Variants in IPO5 observed in about 807,000 individuals in gnomAD.
IPO5 encodes importin-5.
IPO5 carries 18 observed loss-of-function variants against 143.3 expected under a neutral mutation model. That is an observed-to-expected ratio of 0.13 (90% CI 0.09 to 0.19). The LOEUF is 0.19. Ranked by LOEUF, IPO5 falls within the 10% of genes least tolerant of loss-of-function variation. The pLI, the probability that IPO5 is intolerant of heterozygous loss-of-function variation, is 1.00. For synonymous variants in IPO5, 477 were observed against 465.7 expected, an observed-to-expected ratio of 1.02 and a Z score of -0.31; for missense variants, 1,013 against 1,336.9, an observed-to-expected ratio of 0.76 and a Z score of 3.78.
At chr13:98,000,504 A>G (rs751144468) in intron 12 of IPO5, 35 bp from the exon 13 acceptor site, 1 of 1,298,990 alleles carries the variant, frequency 7.7e-7, no homozygotes, top group Non-Finnish European at 1.1e-6. Flanking sequence ...TGTGTTTCAG[A>G]TATATTGAGT....
At position 98,021,003 on chromosome 13, in the gene IPO5, T is replaced by G; in HGVS notation, c.3077T>G (p.Ile1026Ser). 6.2e-7 allele frequency: 1 copy of G among 1,608,552 alleles called. No homozygotes were observed. Among genetic ancestry groups the G allele is most frequent in the Non-Finnish European group, 8.5e-7 (1 of 1,177,558 alleles). Residue 1026 changes from isoleucine to serine, a missense_variant, in exon 28 of 29, where the codon ATT (isoleucine) becomes AGT (serine). Physicochemically the swap from Ile to Ser is moderately radical, Grantham distance 142. This residue lies in a region of IPO5 where 685 missense variants were observed against 994.9 expected (regional missense o/e 0.69). Coordinates refer to ENST00000651721, the MANE Select transcript of IPO5 (RefSeq NM_002271.6). ...LCDLIESNHP[I>S]VLGPNNTNLP... ...TTCTCATTTGTCAGTAATCATCCAA[T>G]TGTTCTTGGCCCAAACAATACCAAT...
At chr13:98,005,194 GCTT>G (rs1395700264) in intron 16 of IPO5, among the ~76,000 whole-genome samples, 3 of 149,846 alleles carry the variant, frequency 2.0e-5, no homozygotes, top group Non-Finnish European at 4.4e-5. Context: ...ACCGTGCCTG[GCTT>G]CTTTTTTTTT....
At chr13:98,006,029 G>A (rs1481118986) in intron 16 of IPO5, 101 bp from the exon 17 acceptor site, 12 of 774,018 alleles carry the variant, frequency 1.6e-5, no homozygotes, top group Non-Finnish European at 2.6e-5. Context: ...TCATTCTGCT[G>A]TTTCAGAAAA....
rs1890549883 is a variant in IPO5, at chr13:98,022,352, T to A, written c.*530T>A. On this transcript the variant is annotated 3_prime_UTR_variant, in exon 29 of 29. Coordinates refer to ENST00000651721, the MANE Select transcript of IPO5 (RefSeq NM_002271.6). ...GGCATATTTGATGTCACTTTGGTTC[T>A]TTTTCCCAGAAGGCTTATACAGTGA... 6.6e-6 allele frequency: 1 copy of A among 152,622 alleles called. No homozygotes were observed. The allele number at this position is 152,622 out of a possible 1,614,324, so 9.5% of individuals were successfully genotyped here. A position where few individuals can be genotyped will look rare whatever the true frequency, so the allele number is the denominator to read the frequency against.
At chr13:98,006,675 G>A (rs1384445134) in intron 17 of IPO5, among the ~76,000 whole-genome samples, 1 of 151,892 alleles carries the variant, frequency 6.6e-6, no homozygotes, top group Non-Finnish European at 1.5e-5. Context: ...TGCCCGGCCT[G>A]TAATTTCTAT....
intron 20 of IPO5, among the ~76,000 whole-genome samples, chr13:98,011,654 C>T (rs1241896130): frequency 6.7e-6 from 1 of 149,980 alleles, no homozygotes; most frequent in Non-Finnish European, 1.5e-5. Context: ...TTACAGGTGC[C>T]CGCCACCATG....
At chr13:98,019,316 G>A (rs1044630490) in intron 26 of IPO5, among the ~76,000 whole-genome samples, 3 of 152,104 alleles carry the variant, frequency 2.0e-5, no homozygotes, top group Non-Finnish European at 2.9e-5. Context: ...AAGGACCCTC[G>A]GGTGATGTGA....
chr13:98,009,831 C>T (rs111375169), intron 18 of IPO5, 50 bp from the exon 19 acceptor site: 25 of 1,386,890 alleles, frequency 1.8e-5, no homozygotes, highest in East Asian at 5.0e-5. Context: ...TTCTTTATCA[C>T]GTTTACCCAT....
chr13:97,978,052 A>G (rs1329560954), intron 4 of IPO5, among the ~76,000 whole-genome samples: 1 of 152,176 alleles, frequency 6.6e-6, no homozygotes, highest in African/African-American at 2.4e-5. Context: ...AGTGAAGTAA[A>G]CACACCCAAA....
intron 13 of IPO5, chr13:98,002,206 G>T: frequency 4.7e-6 from 1 of 213,300 alleles, no homozygotes; most frequent in Non-Finnish European, 9.1e-6. Flanking sequence ...AAGTAGAGAC[G>T]GGGTTTCACC....
At chr13:97,994,387 A>G (rs1006530162) in intron 11 of IPO5, among the ~76,000 whole-genome samples, 201 of 152,340 alleles carry the variant, frequency 1.3e-3, no homozygotes, top group African/African-American at 4.6e-3. Flanking sequence ...TTAAAGACTC[A>G]ACAGATAAAC....
chr13:97,988,227 A>C (rs1182795225), intron 6 of IPO5: 1 of 154,804 alleles, frequency 6.5e-6, no homozygotes, highest in Non-Finnish European at 1.4e-5. Flanking sequence ...ATCTTGTTAA[A>C]TAGTAAACAT....
chr13:97,991,085 G>T (rs1394977981), intron 9 of IPO5, among the ~76,000 whole-genome samples: 2 of 152,082 alleles, frequency 1.3e-5, no homozygotes, highest in African/African-American at 2.4e-5. Context: ...AAATTTAAAA[G>T]ATTGGACAAG....
At chr13:97,980,894 T>C (rs1594055138) in intron 4 of IPO5, among the ~76,000 whole-genome samples, 1 of 151,990 alleles carries the variant, frequency 6.6e-6, no homozygotes, top group Admixed American at 6.6e-5. Flanking sequence ...GTGTTAAACA[T>C]TGATCACATT....
intron 3 of IPO5, 75 bp from the exon 4 acceptor site, chr13:97,976,618 C>T (rs1386743734): frequency 1.3e-5 from 7 of 531,128 alleles, no homozygotes; most frequent in Non-Finnish European, 2.0e-5. Context: ...GCTGGGCCCG[C>T]CCCCGCCCCT....
intron 5 of IPO5, 24 bp downstream of exon 5, chr13:97,982,607 A>G (rs1293738864): frequency 1.5e-6 from 2 of 1,377,840 alleles, no homozygotes; most frequent in Non-Finnish European, 2.1e-6. Context: ...ATTTGTGACT[A>G]TTACATTCTT....
chr13:98,020,346 A>G (rs1190223658), intron 27 of IPO5, among the ~76,000 whole-genome samples: 1 of 152,240 alleles, frequency 6.6e-6, no homozygotes, highest in Non-Finnish European at 1.5e-5. Context: ...TATTGTAGCA[A>G]TAGGCCAACA....
intron 3 of IPO5, chr13:97,975,768 G>C (rs1886233869): frequency 5.8e-6 from 1 of 173,816 alleles, no homozygotes; most frequent in African/African-American, 2.4e-5. Flanking sequence ...GGATTCAAGG[G>C]AACAGTCACA....
chr13:98,007,441 A>G (rs1889357299), intron 17 of IPO5: 1 of 152,250 alleles, frequency 6.6e-6, no homozygotes, highest in Non-Finnish European at 1.5e-5. Context: ...AGCTAATGCA[A>G]AAGAAGTTTC....
Sources: allele counts gnomAD v4.1 joint callset (sites outside exome capture counted in the v4.1 genomes callset), GRCh38; gene constraint gnomAD v4.1.1; regional missense constraint gnomAD v4.1.1; transcripts MANE v1.5; gene names NCBI Gene and HGNC (gene_info 2026-07-23, HGNC 2026-07-21).